The following EFNA4 variants were observed in gnomAD, a reference collection of about 807,000 sequenced individuals.
The protein encoded by EFNA4 is ephrin A4.
In EFNA4, 22 loss-of-function variants were observed where a neutral mutation model predicts 23.7. That is an observed-to-expected ratio of 0.93 (90% CI 0.66 to 1.32). EFNA4 has a LOEUF of 1.32. Ranked by LOEUF, EFNA4 falls within the 40% of genes most tolerant of loss-of-function variation. The pLI is 0.00. For missense variants in EFNA4, 252 were observed against 252.3 expected (o/e 1.00, Z 0.01); for synonymous variants, 113 against 108.3 (o/e 1.04, Z -0.27).
In EFNA4 at chr1:155,066,923, T is replaced by C. The variant is rs1280989380; in HGVS notation, c.307T>C (p.Phe103Leu). 6.2e-7 allele frequency: 1 copy of C among 1,614,126 alleles called. No homozygotes were observed. The highest frequency in any genetic ancestry group is 1.7e-5 in the Admixed American group (1 of 60,028). Residue 103 changes from phenylalanine to leucine, a missense_variant, in exon 2 of 4, where the codon TTT becomes CTT. Physicochemically the swap from Phe to Leu is conservative, Grantham distance 22. Transcript: ENST00000368409. ...CAAGCGCTGGGTGTGCTCCCTGCCC[T>C]TTGGCCATGTTCAATTCTCAGAGAA... ...AYKRWVCSLP[F>L]GHVQFSEKIQ...
In EFNA4 at chr1:155,068,847, TCA is replaced by T. The variant is rs1277158945; in HGVS notation, c.470-3_470-2del. On this transcript the variant is annotated splice_region_variant and splice_polypyrimidine_tract_variant and intron_variant, in intron 3 of 3. Transcript: ENST00000368409. ...ACTGATCAGTGCTACCCCCTCCCCC[TCA>T]CAGAGTCTGAGTCAGCCCATCCTGT... is the stretch of plus-strand genomic sequence containing the variant. The T allele has an allele frequency of 1.9e-6, 3 of 1,609,602 alleles. No homozygotes were observed. The highest frequency in any genetic ancestry group is 2.2e-5 in the East Asian group (1 of 44,814).
Position 155,063,751 on chromosome 1 carries a change from T to A in EFNA4, c.-73T>A. ...CCTTTCCGCAACTTCCCTCTTCACTTTGTACCTTTCTCTCCTCGACTGTGA... is the reference window on the plus strand; with the variant it reads ...CCTTTCCGCAACTTCCCTCTTCACTATGTACCTTTCTCTCCTCGACTGTGA... On this transcript the variant is annotated 5_prime_UTR_variant, in exon 1 of 4. In the 5' UTR this introduces an upstream ATG that the reference lacks. Coordinates refer to ENST00000368409, the MANE Select transcript of EFNA4 (RefSeq NM_005227.3). The surrounding 1 kb of genome is among the most constrained non-coding windows in gnomAD (Gnocchi z 4.1). The A allele has an allele frequency of 7.5e-7, 1 of 1,341,586 alleles. No homozygotes were observed. The highest frequency in any genetic ancestry group is 9.9e-7 in the Non-Finnish European group (1 of 1,008,354). The allele number at this position is 1,341,586 out of a possible 1,614,324, so 83.1% of individuals were successfully genotyped here. A position where few individuals can be genotyped will look rare whatever the true frequency, so the allele number is the denominator to read the frequency against.
At chr1:155,065,842 C>A (rs890734824) in intron 1 of EFNA4, among the ~76,000 whole-genome samples, 8 of 152,022 alleles carry the variant, frequency 5.3e-5, no homozygotes, top group African/African-American at 1.5e-4. Context: ...ACGCCATTCT[C>A]CTGCCTCAAC....
Position 155,063,982 on chromosome 1 carries a change from C to G in EFNA4, c.113+46C>G, listed in dbSNP as rs1439348262. 1 of 1,457,400 alleles carries G rather than the reference C, an allele frequency of 6.9e-7. No homozygotes were observed. Among genetic ancestry groups the G allele is most frequent in the African/African-American group, 1.5e-5 (1 of 67,410 alleles). The allele number at this position is 1,457,400 out of a possible 1,614,324, so 90.3% of individuals were successfully genotyped here. On this transcript the variant is annotated intron_variant, in intron 1 of 3. Transcript: ENST00000368409. The surrounding 1 kb of genome is among the most constrained non-coding windows in gnomAD (Gnocchi z 4.1). ...GAGCGCACAGCCAAGTCTGCGCGCT[C>G]CCGGGCTTTGCGCGCGCCCGCCACC...
At position 155,067,298 on chromosome 1, in the gene EFNA4, G is replaced by A. The variant is rs1007513037; in HGVS notation, c.401-74G>A. 6 of 1,546,788 alleles carry A rather than the reference G, an allele frequency of 3.9e-6. No homozygotes were observed. The African/African-American group carries it at 8.2e-5, about 21-fold the overall frequency. On this transcript the variant is annotated intron_variant, in intron 2 of 3. Transcript: ENST00000368409. ...GACCTGGAGAGAAGAAAACCTGGGA[G>A]GGTCTGAAACAGTCTGAGGCATACA...
intron 3 of EFNA4, 90 bp downstream of exon 3, chr1:155,067,530 C>T (rs1216793236): frequency 5.7e-5 from 83 of 1,445,530 alleles, no homozygotes; most frequent in Non-Finnish European, 8.0e-5. Flanking sequence ...GGATCAGACT[C>T]CAGGGGTCCT....
At position 155,063,965 on chromosome 1, in the gene EFNA4, A is replaced by T. The variant is rs777913028; in HGVS notation, c.113+29A>T. 1.1e-5 allele frequency: 16 copies of T among 1,513,620 alleles called. No homozygotes were observed. In the African/African-American group the frequency reaches 2.2e-4, roughly 20 times the overall value. 93.8% of individuals were successfully genotyped at this position (1,513,620 alleles called of 1,614,324 possible). On this transcript the variant is annotated intron_variant, in intron 1 of 3. Coordinates refer to ENST00000368409, the MANE Select transcript of EFNA4 (RefSeq NM_005227.3). This position sits in a 1 kb window ranked among gnomAD's most constrained non-coding sequence, Gnocchi z 4.1. ...GCCGGGCCGAACCGGGCGAGCGCAC[A>T]GCCAAGTCTGCGCGCTCCCGGGCTT... is the stretch of plus-strand genomic sequence containing the variant.
rs1341436553 is a variant in EFNA4 at position 155,067,006 on chromosome 1, C to T, written c.390C>T (p.Tyr130=). ...TTGAGTTCTTACCTGGAGAGACTTA[C>T]TACTACATCTGTGAGTGGCCAAGGG... ...LGFEFLPGET[Y]YYISVPTPES... Residue 130 remains tyrosine, a synonymous_variant, in exon 2 of 4, where the codon TAC becomes TAT. Transcript: ENST00000368409. 1.2e-6 allele frequency: 2 copies of T among 1,607,532 alleles called. No homozygotes were observed. Among genetic ancestry groups the T allele is most frequent in the Non-Finnish European group, 1.7e-6 (2 of 1,176,404 alleles).
Position 155,063,754 on chromosome 1 carries a change from T to G in EFNA4, c.-70T>G. On this transcript the variant is annotated 5_prime_UTR_variant, in exon 1 of 4. Transcript: ENST00000368409. This position sits in a 1 kb window ranked among gnomAD's most constrained non-coding sequence, Gnocchi z 4.1. Reference sequence around the variant, plus strand: ...TTCCGCAACTTCCCTCTTCACTTTGTACCTTTCTCTCCTCGACTGTGAAGC... The same window carrying G: ...TTCCGCAACTTCCCTCTTCACTTTGGACCTTTCTCTCCTCGACTGTGAAGC... 1 of 1,360,602 alleles carries G rather than the reference T, an allele frequency of 7.3e-7. No homozygotes were observed. Among genetic ancestry groups the G allele is most frequent in the Non-Finnish European group, 9.8e-7 (1 of 1,023,544 alleles). 84.3% of individuals were successfully genotyped at this position (1,360,602 alleles called of 1,614,324 possible). A position where few individuals can be genotyped will look rare whatever the true frequency, so the allele number is the denominator to read the frequency against.
In EFNA4 at chr1:155,067,167, G is replaced by A. The variant is rs550962394; in HGVS notation, c.400+151G>A. Reference sequence around the variant, plus strand: ...TCAGGACTGAGGAGGGAAATGTCTAGAAAGGAGAAAGTAGGAGGAGCTAGG... The same window carrying A: ...TCAGGACTGAGGAGGGAAATGTCTAAAAAGGAGAAAGTAGGAGGAGCTAGG... On this transcript the variant is annotated intron_variant, in intron 2 of 3. Transcript: ENST00000368409. 54 of 1,157,890 alleles carry A rather than the reference G, an allele frequency of 4.7e-5. No individual in the cohort carries two copies. The African/African-American group carries it at 8.2e-4, about 18-fold the overall frequency. The allele number at this position is 1,157,890 out of a possible 1,614,324, so 71.7% of individuals were successfully genotyped here.
Position 155,063,971 on chromosome 1 carries a change from G to C in EFNA4, c.113+35G>C, listed in dbSNP as rs1208160881. On this transcript the variant is annotated intron_variant, in intron 1 of 3. Coordinates refer to ENST00000368409, the MANE Select transcript of EFNA4 (RefSeq NM_005227.3). This position sits in a 1 kb window ranked among gnomAD's most constrained non-coding sequence, Gnocchi z 4.1. ...CCGAACCGGGCGAGCGCACAGCCAA[G>C]TCTGCGCGCTCCCGGGCTTTGCGCG... is the stretch of plus-strand genomic sequence containing the variant. The C allele has an allele frequency of 6.6e-7, 1 of 1,503,960 alleles. No individual in the cohort carries two copies. Among genetic ancestry groups the C allele is most frequent in the African/African-American group, 1.4e-5 (1 of 69,222 alleles). The allele number at this position is 1,503,960 out of a possible 1,614,324, so 93.2% of individuals were successfully genotyped here.
intron 1 of EFNA4, 134 bp from the exon 2 acceptor site, chr1:155,066,596 C>A: frequency 9.3e-7 from 1 of 1,076,302 alleles, no homozygotes; most frequent in Non-Finnish European, 1.3e-6. Context: ...GAACCTCGGG[C>A]CTTCCTGAGC....
chr1:155,064,030 G>A, intron 1 of EFNA4, 94 bp downstream of exon 1: 1 of 1,101,572 alleles, frequency 9.1e-7, no homozygotes, highest in Non-Finnish European at 1.2e-6. Flanking sequence ...GGCGCCGCCT[G>A]AGCCTGGCCG....
intron 1 of EFNA4, 124 bp from the exon 2 acceptor site, chr1:155,066,606 C>A: frequency 8.2e-7 from 1 of 1,223,154 alleles, no homozygotes; most frequent in Non-Finnish European, 1.1e-6. Flanking sequence ...CCTTCCTGAG[C>A]TGCTCCATCG....
intron 3 of EFNA4, among the ~76,000 whole-genome samples, chr1:155,068,299 C>G (rs1457736524): frequency 6.6e-6 from 1 of 150,780 alleles, no homozygotes; most frequent in Non-Finnish European, 1.5e-5. Context: ...CGCTCTCGCT[C>G]TGTCGCCCAG....
intron 3 of EFNA4, 132 bp downstream of exon 3, chr1:155,067,572 C>G: frequency 1.0e-6 from 1 of 990,628 alleles, no homozygotes; most frequent in Non-Finnish European, 1.5e-6. Flanking sequence ...CTCTTCTCCC[C>G]ATTTAGCCTT....
rs1168173419 is a variant in EFNA4 at position 155,066,884 on chromosome 1, G to GCA, written c.268_269insCA (p.Gly90AlafsTer57). On this transcript the variant is annotated frameshift_variant, in exon 2 of 4. Transcript: ENST00000368409. LOFTEE classifies it high-confidence loss of function. ...AGGCTATGAGTCCTGCCAGGCAGAG[G>GCA]GCCCCCGGGCCTACAAGCGCTGGGT... 6.2e-7 allele frequency: 1 copy of GCA among 1,614,018 alleles called. No homozygotes were observed. Among genetic ancestry groups the GCA allele is most frequent in the African/African-American group, 1.3e-5 (1 of 74,940 alleles).
At chr1:155,064,057 T>G in intron 1 of EFNA4, 121 bp downstream of exon 1, 21 of 454,678 alleles carry the variant, frequency 4.6e-5, no homozygotes, top group East Asian at 4.5e-4. Flanking sequence ...GGGGCTCCTT[T>G]GTTTGAGCCG....
chr1:155,069,135 G>A lies in EFNA4; in HGVS notation c.*146G>A. The A allele has an allele frequency of 6.2e-7, 1 of 1,611,442 alleles. No individual in the cohort carries two copies. Among genetic ancestry groups the A allele is most frequent in the South Asian group, 1.1e-5 (1 of 90,872 alleles). ...GATGGGGGAGATCAGAGGGTCTGAG[G>A]TGACTCTTGCAGGAGCCTGTCCCCT... On this transcript the variant is annotated 3_prime_UTR_variant, in exon 4 of 4. Transcript: ENST00000368409.
Sources: gnomAD v4.1 joint callset for allele counts (sites outside exome capture counted in the v4.1 genomes callset) on GRCh38, gnomAD v4.1.1 for gene constraint, Gnocchi (gnomAD v3.1) non-coding constraint, MANE v1.5 for transcripts, NCBI Gene and HGNC (gene_info 2026-07-23, HGNC 2026-07-21) for gene names.